STEAP4: variants seen among roughly 807,000 people sequenced by gnomAD.
STEAP4 encodes the protein STEAP4 metalloreductase.
In STEAP4, 36 loss-of-function variants were observed where a neutral mutation model predicts 43.6. The observed-to-expected ratio is 0.83, with a 90% CI of 0.63 to 1.09. The LOEUF is 1.09. Ranked by LOEUF, STEAP4 falls within the 50% of genes least tolerant of loss-of-function variation. The probability of loss-of-function intolerance (pLI) is 0.00; values close to 1 mark genes in which losing one functional copy is unlikely to be tolerated. For missense variants in STEAP4, 495 were observed against 546.5 expected, an observed-to-expected ratio of 0.91 and a Z score of 0.94; for synonymous variants, 191 against 196.7, an observed-to-expected ratio of 0.97 and a Z score of 0.24.
In STEAP4 at chr7:88,282,636, T is replaced by C. The variant is rs143518146; in HGVS notation, c.984+5A>G. 3.4e-3 allele frequency: 5,486 copies of C among 1,609,406 alleles called. 12 individuals carry two copies. Among genetic ancestry groups the C allele is most frequent in the Non-Finnish European group, 4.2e-3 (4,905 of 1,176,890 alleles). On this transcript the variant is annotated splice_donor_5th_base_variant and intron_variant, in intron 3 of 4. Coordinates refer to ENST00000380079, the MANE Select transcript of STEAP4 (RefSeq NM_024636.4). ...GCAGAAGAAAATATATAAGAAGAGA[T>C]TTACCTGGGTAACGGTTAAGTTTCC... is the stretch of plus-strand genomic sequence containing the variant.
At chr7:88,287,459 A>G (rs1852755587) in intron 1 of STEAP4, among the ~76,000 whole-genome samples, 1 of 152,160 alleles carries the variant, frequency 6.6e-6, no homozygotes. Context: ...TGCAATGGAG[A>G]AGGAGTAATT....
At chr7:88,284,421 A>C in intron 1 of STEAP4, 150 bp from the exon 2 acceptor site, 1 of 620,722 alleles carries the variant, frequency 1.6e-6, no homozygotes, top group Non-Finnish European at 2.6e-6. Context: ...AGGAGTAAAA[A>C]TTGTCATATA....
chr7:88,291,492 GAA>G (rs369820733), intron 1 of STEAP4, among the ~76,000 whole-genome samples: 17 of 88,344 alleles, frequency 1.9e-4, no homozygotes, highest in African/African-American at 6.2e-4. Context: ...ATCTCAAAAA[GAA>G]AAAAAAAAAA....
chr7:88,303,962 GT>G (rs1173972953), intron 1 of STEAP4: 2 of 152,180 alleles, frequency 1.3e-5, no homozygotes, highest in Non-Finnish European at 2.9e-5. Flanking sequence ...CTTGAGTGGA[GT>G]TAACACAGTA....
intron 1 of STEAP4, among the ~76,000 whole-genome samples, chr7:88,300,157 G>C (rs2116023230): frequency 6.6e-6 from 1 of 152,268 alleles, no homozygotes; most frequent in South Asian, 2.1e-4. Flanking sequence ...AGCATTGCTA[G>C]TTGATAAATA....
At chr7:88,287,814 T>A (rs1384928927) in intron 1 of STEAP4, among the ~76,000 whole-genome samples, 1 of 152,210 alleles carries the variant, frequency 6.6e-6, no homozygotes, top group Non-Finnish European at 1.5e-5. Flanking sequence ...AAATGTAATA[T>A]CTAATCCTGT....
At position 88,274,919 on chromosome 7, in the gene STEAP4, G is replaced by T. The variant is rs1689302437; in HGVS notation, c.*4479C>A. 1 of 152,174 alleles carries T rather than the reference G, an allele frequency of 6.6e-6. No homozygotes were observed. Among genetic ancestry groups the T allele is most frequent in the African/African-American group, 2.4e-5 (1 of 41,422 alleles). 9.4% of individuals were successfully genotyped at this position (152,174 alleles called of 1,614,324 possible). A position where few individuals can be genotyped will look rare whatever the true frequency, so the allele number is the denominator to read the frequency against. On this transcript the variant is annotated 3_prime_UTR_variant, in exon 5 of 5. Transcript: ENST00000380079. ...ATAATGAACAGCTGAGACAGCCAAAGATCACTTTCATTGCCATCTTGGTTT... is the reference window on the plus strand; with the variant it reads ...ATAATGAACAGCTGAGACAGCCAAATATCACTTTCATTGCCATCTTGGTTT...
At chr7:88,288,390 G>A (rs1329375191) in intron 1 of STEAP4, among the ~76,000 whole-genome samples, 1 of 152,054 alleles carries the variant, frequency 6.6e-6, no homozygotes, top group Non-Finnish European at 1.5e-5. Context: ...GGCTGGTCTC[G>A]AACTCCTGAT....
chr7:88,301,719 GT>G (rs773389674), intron 1 of STEAP4, among the ~76,000 whole-genome samples: 1 of 152,058 alleles, frequency 6.6e-6, no homozygotes, highest in Non-Finnish European at 1.5e-5. Context: ...GGGACTACAG[GT>G]GTGCACCACC....
intron 1 of STEAP4, among the ~76,000 whole-genome samples, chr7:88,299,692 AT>A (rs1323221105): frequency 6.6e-6 from 1 of 152,248 alleles, no homozygotes; most frequent in Non-Finnish European, 1.5e-5. Flanking sequence ...TGTAATTTCA[AT>A]TTTGAATTAA....
intron 1 of STEAP4, among the ~76,000 whole-genome samples, chr7:88,306,374 G>T (rs2116047170): frequency 6.6e-6 from 1 of 152,330 alleles, no homozygotes; most frequent in South Asian, 2.1e-4. Flanking sequence ...AAATGGAAGT[G>T]GTTGCAGGTA....
chr7:88,302,108 C>T (rs1853045951), intron 1 of STEAP4, among the ~76,000 whole-genome samples: 1 of 152,192 alleles, frequency 6.6e-6, no homozygotes, highest in South Asian at 2.1e-4. Flanking sequence ...AAAATGTGGA[C>T]TTTGCCACTG....
intron 1 of STEAP4, among the ~76,000 whole-genome samples, chr7:88,291,870 G>A (rs1416122947): frequency 6.6e-6 from 1 of 152,162 alleles, no homozygotes; most frequent in African/African-American, 2.4e-5. Flanking sequence ...TATGTAACAG[G>A]AAATACAACA....
At chr7:88,300,232 A>G (rs1346387230) in intron 1 of STEAP4, among the ~76,000 whole-genome samples, 1 of 152,184 alleles carries the variant, frequency 6.6e-6, no homozygotes, top group African/African-American at 2.4e-5. Flanking sequence ...TTTTTGAGAC[A>G]TACTCTTGCT....
intron 1 of STEAP4, among the ~76,000 whole-genome samples, chr7:88,287,086 G>T (rs182870800): frequency 7.8e-4 from 119 of 152,238 alleles, no homozygotes; most frequent in African/African-American, 2.7e-3. Flanking sequence ...GGAGAAGGAA[G>T]GGGCTGTTGG....
At chr7:88,293,991 T>TA (rs1005791302) in intron 1 of STEAP4, among the ~76,000 whole-genome samples, 22 of 152,004 alleles carry the variant, frequency 1.4e-4, no homozygotes, top group South Asian at 4.2e-4. Context: ...ATGCTTAAAT[T>TA]AAAAAAAATG....
In STEAP4 at chr7:88,302,951, C is replaced by CAAAAAAAA. The variant is rs35493493; in HGVS notation, c.-3+3833_-3+3840dup. Among the ~76,000 whole-genome samples, 78 of 51,456 alleles carry CAAAAAAAA rather than the reference C, an allele frequency of 1.5e-3. 1 individual carries two copies. Among genetic ancestry groups the CAAAAAAAA allele is most frequent in the African/African-American group, 6.1e-3 (78 of 12,828 alleles). The allele number at this position is 51,456 out of a possible 152,430, so 33.8% of individuals were successfully genotyped here. A position where few individuals can be genotyped will look rare whatever the true frequency, so the allele number is the denominator to read the frequency against. Reference sequence around the variant, plus strand: ...CCTGAGTGAAGGAGTGAGACTGTCTCAAAAAAAAAAAAAAAAAAAAAAAAT... The same window carrying CAAAAAAAA: ...CCTGAGTGAAGGAGTGAGACTGTCTCAAAAAAAAAAAAAAAAAAAAAAAAAAAAAAAAT... On this transcript the variant is annotated intron_variant, in intron 1 of 4. Coordinates refer to ENST00000380079, the MANE Select transcript of STEAP4 (RefSeq NM_024636.4).
At chr7:88,288,583 A>G (rs1266771151) in intron 1 of STEAP4, among the ~76,000 whole-genome samples, 1 of 152,206 alleles carries the variant, frequency 6.6e-6, no homozygotes, top group Non-Finnish European at 1.5e-5. Context: ...ACCATTAACA[A>G]ATAGTTGGAC....
chr7:88,277,372 T>A lies in STEAP4; in HGVS notation c.*2026A>T, dbSNP rs773507603. On this transcript the variant is annotated 3_prime_UTR_variant, in exon 5 of 5. Coordinates refer to ENST00000380079, the MANE Select transcript of STEAP4 (RefSeq NM_024636.4). ...AAATAAAAAAGACAATCTACAATGG[T>A]GCGATGAAAGCAACACCCTCATCCA... The A allele has an allele frequency of 2.6e-5, 4 of 152,148 alleles. No individual in the cohort carries two copies. The highest frequency in any genetic ancestry group is 4.8e-5 in the African/African-American group (2 of 41,446). The allele number at this position is 152,148 out of a possible 1,614,324, so 9.4% of individuals were successfully genotyped here.
Sources: allele counts gnomAD v4.1 joint callset (sites outside exome capture counted in the v4.1 genomes callset), GRCh38; gene constraint gnomAD v4.1.1; transcripts MANE v1.5; gene names NCBI Gene and HGNC (gene_info 2026-07-23, HGNC 2026-07-21).